IL16: variants seen among roughly 807,000 people sequenced by gnomAD.
IL16 encodes the protein pro-interleukin-16.
IL16 carries 67 observed loss-of-function variants against 110.1 expected under a neutral mutation model. The ratio of observed to expected loss-of-function variants is 0.61; its 90% CI spans 0.50 to 0.75. The LOEUF (loss-of-function observed/expected upper bound fraction) is 0.75. IL16 is among the 30% of genes least tolerant of loss of function. IL16 has a pLI of 0.00. For synonymous variants in IL16, 689 were observed against 662.9 expected, an observed-to-expected ratio of 1.04 and a Z score of -0.61; for missense variants, 1,545 against 1,655.0, an observed-to-expected ratio of 0.93 and a Z score of 1.15.
At chr15:81,222,962 T>C (rs1184705220) in intron 1 of IL16, among the ~76,000 whole-genome samples, 1 of 152,262 alleles carries the variant, frequency 6.6e-6, no homozygotes, top group African/African-American at 2.4e-5. Context: ...CAGAGGAACA[T>C]TCACAATTTG....
chr15:81,282,243 C>T (rs1237251255), intron 8 of IL16, among the ~76,000 whole-genome samples: 3 of 152,318 alleles, frequency 2.0e-5, no homozygotes, highest in African/African-American at 4.8e-5. Flanking sequence ...ATCTCTTCAC[C>T]CCTAACTCTT....
chr15:81,308,665 G>A lies in IL16; in HGVS notation c.3866G>A (p.Gly1289Asp), dbSNP rs768232083. Residue 1289 changes from glycine (G) to aspartate (D), a missense_variant, in exon 19 of 19, where the codon GGC (glycine) becomes GAC (aspartate). Physicochemically the swap from Gly to Asp is moderately conservative, Grantham distance 94. Coordinates refer to ENST00000683961, the MANE Select transcript of IL16 (RefSeq NM_172217.5). Reference sequence around the variant, plus strand: ...GGAGATGAAATCTTACAGCTGGGTGGCACTGCCATGCAGGGCCTCACACGG... The same window carrying A: ...GGAGATGAAATCTTACAGCTGGGTGACACTGCCATGCAGGGCCTCACACGG... ...QPGDEILQLG[G>D]TAMQGLTRFE... 2 of 1,613,356 alleles carry A rather than the reference G, an allele frequency of 1.2e-6. No individual in the cohort carries two copies. The highest frequency in any genetic ancestry group is 2.2e-5 in the East Asian group (1 of 44,836).
chr15:81,194,441 A>T (rs1404903689), upstream of IL16, among the ~76,000 whole-genome samples: 1 of 151,536 alleles, frequency 6.6e-6, no homozygotes, highest in Non-Finnish European at 1.5e-5. Context: ...TTTTAAATTA[A>T]ATTTAAATTT....
intron 2 of IL16, among the ~76,000 whole-genome samples, chr15:81,246,615 A>G (rs1054099793): frequency 6.6e-6 from 1 of 152,086 alleles, no homozygotes; most frequent in Admixed American, 6.5e-5. Context: ...CCAAGGTTAC[A>G]CTGACCTCAC....
At chr15:81,199,182 T>C (rs1368771821) in intron 1 of IL16, among the ~76,000 whole-genome samples, 2 of 151,806 alleles carry the variant, frequency 1.3e-5, no homozygotes, top group Non-Finnish European at 2.9e-5. Context: ...GGGGAGAAAA[T>C]AGGCATGGGG....
chr15:81,218,362 A>C (rs1469565888), intron 1 of IL16, among the ~76,000 whole-genome samples: 1 of 152,286 alleles, frequency 6.6e-6, no homozygotes, highest in South Asian at 2.1e-4. Context: ...ATTTGAACGA[A>C]TATAGAAACA....
At chr15:81,290,899 A>G (rs1164261866) in intron 11 of IL16, among the ~76,000 whole-genome samples, 1 of 152,244 alleles carries the variant, frequency 6.6e-6, no homozygotes, top group East Asian at 1.9e-4. Context: ...ATAATAGAAT[A>G]TTAGAAAAAC....
At chr15:81,210,668 T>C (rs1219204186) in intron 1 of IL16, among the ~76,000 whole-genome samples, 1 of 152,224 alleles carries the variant, frequency 6.6e-6, no homozygotes, top group African/African-American at 2.4e-5. Flanking sequence ...TGTATAGAAA[T>C]GCTACTGATT....
chr15:81,234,148 G>A (rs1332926344), intron 2 of IL16, among the ~76,000 whole-genome samples: 1 of 151,854 alleles, frequency 6.6e-6, no homozygotes, highest in Non-Finnish European at 1.5e-5. Flanking sequence ...TCTTCAATCT[G>A]TGTTCACATA....
rs756164939 is a variant in IL16 at position 81,299,551 on chromosome 15, C to T, written c.2225C>T (p.Ala742Val). 4.3e-6 allele frequency: 7 copies of T among 1,614,178 alleles called. No homozygotes were observed. The highest frequency in any genetic ancestry group is 5.9e-6 in the Non-Finnish European group (7 of 1,180,042). Residue 742 changes from alanine to valine, a missense_variant, in exon 14 of 19, where the codon GCC (alanine) becomes GTC (valine). Ala to Val is a moderately conservative substitution (Grantham distance 64, BLOSUM62 0). Transcript: ENST00000683961. Reference sequence around the variant, plus strand: ...GGCCACATGCCTCTACAGCCCAATGCCAGCCTGAATGAAGAAGAAGGGACA... The same window carrying T: ...GGCCACATGCCTCTACAGCCCAATGTCAGCCTGAATGAAGAAGAAGGGACA... ...NHGHMPLQPN[A>V]SLNEEEGTQG...
At chr15:81,283,861 A>C (rs1288879110) in intron 9 of IL16, among the ~76,000 whole-genome samples, 1 of 152,054 alleles carries the variant, frequency 6.6e-6, no homozygotes, top group Non-Finnish European at 1.5e-5. Flanking sequence ...AAATTAGCCA[A>C]GTGTGGTGGC....
intron 6 of IL16, among the ~76,000 whole-genome samples, chr15:81,274,811 G>A (rs533708302): frequency 6.4e-4 from 97 of 152,298 alleles, no homozygotes; most frequent in African/African-American, 2.2e-3. Flanking sequence ...TTATCAACCC[G>A]AGCACTATGC....
intron 12 of IL16, among the ~76,000 whole-genome samples, chr15:81,293,591 C>T (rs1025794559): frequency 6.6e-6 from 1 of 152,114 alleles, no homozygotes; most frequent in Non-Finnish European, 1.5e-5. Context: ...ATCCCAGCTA[C>T]GCAGGAGGCT....
chr15:81,303,015 ATGTGTGTGTGTGTG>A lies in IL16; in HGVS notation c.3319-518_3319-505del, dbSNP rs34522610. Among the ~76,000 whole-genome samples the A allele has an allele frequency of 0.11, 16,495 of 150,130 alleles. 1,104 individuals carry two copies. Among genetic ancestry groups the A allele is most frequent in the African/African-American group, 0.18 (7,381 of 40,670 alleles). On this transcript the variant is annotated intron_variant, in intron 15 of 18. Coordinates refer to ENST00000683961, the MANE Select transcript of IL16 (RefSeq NM_172217.5). The surrounding 1 kb of genome is among the most constrained non-coding windows in gnomAD (Gnocchi z 4.1). The stretch of plus-strand genomic sequence containing the variant: ...GTCTAGGCTAGGAAGTACCGTAGTA[ATGTGTGTGTGTGTG>A]TGTGTGTGTGTGTGTCACACTTGCA...
chr15:81,258,723 C>T (rs111959678), intron 2 of IL16, among the ~76,000 whole-genome samples: 15 of 144,708 alleles, frequency 1.0e-4, no homozygotes, highest in African/African-American at 1.6e-4. Flanking sequence ...CTGTCACTCG[C>T]GCACGCGCTC....
intron 1 of IL16, among the ~76,000 whole-genome samples, chr15:81,220,796 G>GA (rs3086670): frequency 0.14 from 18,174 of 128,702 alleles, 1,572 homozygotes; most frequent in East Asian, 0.37. Context: ...CTTGTTGAAT[G>GA]AAAAAAAAAA....
At chr15:81,242,003 G>A (rs1314734937) in intron 2 of IL16, among the ~76,000 whole-genome samples, 3 of 140,442 alleles carry the variant, frequency 2.1e-5, no homozygotes, top group African/African-American at 8.0e-5. Context: ...AGCACCATTT[G>A]TTGAAAAAAA....
intron 2 of IL16, among the ~76,000 whole-genome samples, chr15:81,239,875 A>G (rs7496323): frequency 1.3e-5 from 2 of 152,294 alleles, no homozygotes; most frequent in African/African-American, 4.8e-5. Flanking sequence ...AGTAGATAGA[A>G]AGAAAATCCA....
intron 2 of IL16, among the ~76,000 whole-genome samples, chr15:81,246,121 C>T (rs1595988466): frequency 6.6e-6 from 1 of 152,044 alleles, no homozygotes; most frequent in African/African-American, 2.4e-5. Flanking sequence ...TTCAAACCAC[C>T]TTTCTTTTAA....
Sources: allele counts gnomAD v4.1 joint callset (sites outside exome capture counted in the v4.1 genomes callset), GRCh38; gene constraint gnomAD v4.1.1; non-coding constraint Gnocchi (gnomAD v3.1); transcripts MANE v1.5; gene names NCBI Gene and HGNC (gene_info 2026-07-23, HGNC 2026-07-21).